Variants in SEL1L3 observed in about 807,000 individuals in gnomAD.
SEL1L3 encodes the protein SEL1L family member 3.
SEL1L3 carries 76 observed loss-of-function variants against 142.8 expected under a neutral mutation model. The observed-to-expected ratio is 0.53, with a 90% CI of 0.44 to 0.64. The LOEUF (loss-of-function observed/expected upper bound fraction) is 0.64. Ranked by LOEUF, SEL1L3 falls within the 30% of genes least tolerant of loss-of-function variation. The pLI is 0.00. For missense variants in SEL1L3, 1,262 were observed against 1,381.7 expected, an observed-to-expected ratio of 0.91 and a Z score of 1.37; for synonymous variants, 504 against 519.6, an observed-to-expected ratio of 0.97 and a Z score of 0.41.
rs58435041 is a variant in SEL1L3 at position 25,788,569 on chromosome 4, CGT to C, written c.2077-207_2077-206del. ...CCCTTAATGCAAGCCAGAAATGGTT[CGT>C]GTGTGTGTGTGTGTGTGTGTGTGTG... On this transcript the variant is annotated intron_variant, in intron 12 of 23. Transcript: ENST00000399878. This position sits in a 1 kb window ranked among gnomAD's most constrained non-coding sequence, Gnocchi z 5.3. 0.1 allele frequency among the ~76,000 whole-genome samples: 14,595 copies of C among 139,070 alleles called. 873 individuals carry two copies. Among genetic ancestry groups the C allele is most frequent in the East Asian group, 0.3 (1,311 of 4,444 alleles). The allele number at this position is 139,070 out of a possible 152,430, so 91.2% of individuals were successfully genotyped here.
At chr4:25,836,535 C>A (rs531425830) in intron 2 of SEL1L3, among the ~76,000 whole-genome samples, 1 of 152,130 alleles carries the variant, frequency 6.6e-6, no homozygotes, top group African/African-American at 2.4e-5. Context: ...GCCTGTAAAC[C>A]CAGCTACTAG....
In SEL1L3 at chr4:25,771,743, A is replaced by T. The variant is rs78696420; in HGVS notation, c.2670-3913T>A. ...TATACTTAAGACAAAGGACAATAAA[A>T]CATGTAGCTTGCAGATAAAATAGAT... On this transcript the variant is annotated intron_variant, in intron 17 of 23. Transcript: ENST00000399878. Among the ~76,000 whole-genome samples, 346 of 152,286 alleles carry T rather than the reference A, an allele frequency of 2.3e-3. 3 individuals carry two copies. The highest frequency in any genetic ancestry group is 7.9e-3 in the African/African-American group (327 of 41,554).
chr4:25,748,517 T>C lies in SEL1L3; in HGVS notation c.3307A>G (p.Thr1103Ala), dbSNP rs1329396216. 5 of 1,611,770 alleles carry C rather than the reference T, an allele frequency of 3.1e-6. No individual in the cohort carries two copies. The highest frequency in any genetic ancestry group is 4.5e-5 in the East Asian group (2 of 44,852). Residue 1103 changes from threonine to alanine, a missense_variant, in exon 24 of 24, where the codon ACG (threonine) becomes GCG (alanine). Thr to Ala is a moderately conservative substitution (Grantham distance 58, BLOSUM62 0). Transcript: ENST00000399878. Reference protein sequence around the residue: ...RPSQASPDTATSTASPAVTPA... With the variant: ...RPSQASPDTAASTASPAVTPA... ...GTCACAGCTGGACTTGCAGTGGACGTGGCAGTGTCTGGGGAGGCCTGGGAT... is the reference window on the plus strand; with the variant it reads ...GTCACAGCTGGACTTGCAGTGGACGCGGCAGTGTCTGGGGAGGCCTGGGAT...
intron 2 of SEL1L3, among the ~76,000 whole-genome samples, chr4:25,836,249 C>CTTAA (rs1276483628): frequency 6.6e-6 from 1 of 152,182 alleles, no homozygotes; most frequent in African/African-American, 2.4e-5. Context: ...TTCATCTATA[C>CTTAA]TTAATACCTA....
the SEL1L3 span, among the ~76,000 whole-genome samples, chr4:25,728,979 C>T: frequency 2.0e-5 from 3 of 152,106 alleles, no homozygotes; most frequent in Admixed American, 2.0e-4. Flanking sequence ...CCAACCATGA[C>T]AAGATGGAAG....
chr4:25,752,108 C>CCAAAA (rs1553862647), intron 23 of SEL1L3, among the ~76,000 whole-genome samples: 1 of 99,408 alleles, frequency 1.0e-5, no homozygotes, highest in Non-Finnish European at 2.1e-5. Flanking sequence ...GACTCCATCT[C>CCAAAA]AAAAAAAAAA....
At chr4:25,797,041 T>G (rs971417615) in intron 11 of SEL1L3, among the ~76,000 whole-genome samples, 4 of 134,906 alleles carry the variant, frequency 3.0e-5, no homozygotes, top group African/African-American at 2.8e-5. Context: ...AATAGACAGG[T>G]AGTGGAGAGA....
intron 23 of SEL1L3, among the ~76,000 whole-genome samples, chr4:25,751,566 A>G (rs1281518651): frequency 1.3e-5 from 2 of 151,980 alleles, no homozygotes; most frequent in Admixed American, 1.3e-4. Context: ...AGCAAGAAAG[A>G]CTGAGCTGCC....
intron 20 of SEL1L3, among the ~76,000 whole-genome samples, chr4:25,764,920 C>T (rs1464721772): frequency 6.6e-6 from 1 of 152,170 alleles, no homozygotes; most frequent in Non-Finnish European, 1.5e-5. Flanking sequence ...GCTTTGTAAA[C>T]TGTGTAGTGT....
In SEL1L3 at chr4:25,757,578, GA is replaced by G; in HGVS notation, c.3214del (p.Ser1072ProfsTer3). 1.3e-6 allele frequency: 2 copies of G among 1,552,078 alleles called. No homozygotes were observed. Among genetic ancestry groups the G allele is most frequent in the Non-Finnish European group, 1.7e-6 (2 of 1,147,624 alleles). ...LIYFLGTFLL[S>X]ILIAWTVQYF... ...CTGCACAGTCCAGGCGATCAATATG[GA>G]TAGCAGAAAGGTTCCCAGAAAGTAG... On this transcript the variant is annotated frameshift_variant, in exon 23 of 24. Coordinates refer to ENST00000399878, the MANE Select transcript of SEL1L3 (RefSeq NM_015187.5). LOFTEE classifies it low-confidence loss of function (END_TRUNC).
chr4:25,721,656 T>G, the SEL1L3 span, among the ~76,000 whole-genome samples: 1 of 152,188 alleles, frequency 6.6e-6, no homozygotes, highest in Non-Finnish European at 1.5e-5. Context: ...CATAACTGTT[T>G]CATGGAGTGG....
At chr4:25,846,320 T>A (rs1451166828) in intron 2 of SEL1L3, among the ~76,000 whole-genome samples, 2 of 152,188 alleles carry the variant, frequency 1.3e-5, no homozygotes, top group African/African-American at 4.8e-5. Flanking sequence ...GCATTTAGGA[T>A]AAAATGCAGA....
intron 9 of SEL1L3, among the ~76,000 whole-genome samples, chr4:25,809,531 G>A (rs560796202): frequency 3.9e-5 from 6 of 152,124 alleles, no homozygotes; most frequent in Non-Finnish European, 7.4e-5. Context: ...TGATCCTCCC[G>A]CATTGGCCTC....
chr4:25,784,187 T>A, intron 14 of SEL1L3, 41 bp downstream of exon 14: 1 of 1,462,016 alleles, frequency 6.8e-7, no homozygotes, highest in Admixed American at 1.7e-5. Flanking sequence ...TGTGGGAGTG[T>A]GTGGTGGAAC....
At chr4:25,819,088 C>T (rs1714587007) in intron 8 of SEL1L3, among the ~76,000 whole-genome samples, 1 of 152,212 alleles carries the variant, frequency 6.6e-6, no homozygotes, top group Non-Finnish European at 1.5e-5. Flanking sequence ...CCAGAAGGAA[C>T]ATATGTGAGT....
At chr4:25,836,753 GAA>G (rs2109291803) in intron 2 of SEL1L3, among the ~76,000 whole-genome samples, 1 of 152,334 alleles carries the variant, frequency 6.6e-6, no homozygotes, top group African/African-American at 2.4e-5. Context: ...CTTGGAGAGA[GAA>G]GAGTTGATTT....
At chr4:25,827,497 G>A (rs1052538100) in intron 6 of SEL1L3, among the ~76,000 whole-genome samples, 7 of 152,298 alleles carry the variant, frequency 4.6e-5, no homozygotes, top group East Asian at 1.9e-4. Flanking sequence ...ATGGGAGCAC[G>A]GCCCTGCCAG....
chr4:25,745,936 G>A (rs1447072206), downstream of SEL1L3, among the ~76,000 whole-genome samples: 1 of 152,232 alleles, frequency 6.6e-6, no homozygotes, highest in African/African-American at 2.4e-5. Flanking sequence ...GCAGAGCAGA[G>A]TCACTCTCTG....
chr4:25,739,698 T>G, the SEL1L3 span, among the ~76,000 whole-genome samples: 1 of 144,116 alleles, frequency 6.9e-6, no homozygotes, highest in East Asian at 2.0e-4. Flanking sequence ...AGAGAGAGAC[T>G]CCGTCAAAAA....
Sources: allele counts gnomAD v4.1 joint callset (sites outside exome capture counted in the v4.1 genomes callset), GRCh38; gene constraint gnomAD v4.1.1; non-coding constraint Gnocchi (gnomAD v3.1); transcripts MANE v1.5; gene names NCBI Gene and HGNC (gene_info 2026-07-23, HGNC 2026-07-21).